Variants in PDE4B observed in about 807,000 individuals in gnomAD.
The protein encoded by PDE4B is 3',5'-cyclic-AMP phosphodiesterase 4B.
In PDE4B, 20 loss-of-function variants were observed where a neutral mutation model predicts 82.2. The ratio of observed to expected loss-of-function variants is 0.24; its 90% CI spans 0.17 to 0.35. The LOEUF (loss-of-function observed/expected upper bound fraction) is 0.35, where lower values mean the gene tolerates loss of function less well. Among genes scored for constraint, PDE4B ranks in the 10% least tolerant of loss-of-function variants. The pLI, the probability that PDE4B is intolerant of heterozygous loss-of-function variation, is 1.00. For synonymous variants in PDE4B, 320 were observed against 318.9 expected (o/e 1.00, Z -0.04); for missense variants, 655 against 907.2 (o/e 0.72, Z 3.57).
intron 3 of PDE4B, among the ~76,000 whole-genome samples, chr1:66,141,206 A>C (rs566123272): frequency 6.6e-6 from 1 of 151,604 alleles, no homozygotes; most frequent in Non-Finnish European, 1.5e-5. Context: ...CACTGAGAAT[A>C]CTAAGGTTAC....
At chr1:66,256,329 C>T (rs1654223788) in intron 4 of PDE4B, among the ~76,000 whole-genome samples, 1 of 152,148 alleles carries the variant, frequency 6.6e-6, no homozygotes, top group African/African-American at 2.4e-5. Context: ...CTCTGTGGAT[C>T]GATGTCATTT....
At chr1:66,146,373 T>C (rs1035885335) in intron 3 of PDE4B, among the ~76,000 whole-genome samples, 3 of 151,784 alleles carry the variant, frequency 2.0e-5, no homozygotes, top group Non-Finnish European at 4.4e-5. Flanking sequence ...TTAGTGGAGA[T>C]GGGGTTTCAC....
At chr1:66,224,042 C>T (rs189437039) in intron 3 of PDE4B, among the ~76,000 whole-genome samples, 7 of 152,284 alleles carry the variant, frequency 4.6e-5, no homozygotes, top group African/African-American at 1.4e-4. Context: ...ATCTCCTCTC[C>T]CATGTTTACC....
At chr1:66,230,890 A>C (rs1236872413) in intron 3 of PDE4B, among the ~76,000 whole-genome samples, 1 of 152,122 alleles carries the variant, frequency 6.6e-6, no homozygotes, top group African/African-American at 2.4e-5. Context: ...CACTCAAAAT[A>C]CAAAAATTAG....
At chr1:66,153,544 G>T (rs968331137) in intron 3 of PDE4B, among the ~76,000 whole-genome samples, 2 of 152,070 alleles carry the variant, frequency 1.3e-5, no homozygotes, top group African/African-American at 4.8e-5. Flanking sequence ...AGGGTATAGA[G>T]CTTCCATTCA....
chr1:66,323,408 G>C (rs1659543238), intron 7 of PDE4B, among the ~76,000 whole-genome samples: 1 of 152,048 alleles, frequency 6.6e-6, no homozygotes, highest in Non-Finnish European at 1.5e-5. Flanking sequence ...ACACTTCTTA[G>C]TATCTCTGTT....
intron 3 of PDE4B, among the ~76,000 whole-genome samples, chr1:66,017,977 C>G (rs547530068): frequency 7.8e-4 from 118 of 152,208 alleles, no homozygotes; most frequent in Admixed American, 7.7e-3. Flanking sequence ...AGATTGACAC[C>G]TGGGTAACTG....
intron 3 of PDE4B, among the ~76,000 whole-genome samples, chr1:66,216,606 C>A (rs1480503734): frequency 1.3e-5 from 2 of 152,100 alleles, no homozygotes; most frequent in African/African-American, 2.4e-5. Context: ...TATTATTAGA[C>A]AAAGCAATGC....
At chr1:66,371,015 T>A (rs1433088049) in intron 16 of PDE4B, among the ~76,000 whole-genome samples, 1 of 134,498 alleles carries the variant, frequency 7.4e-6, no homozygotes, top group African/African-American at 2.7e-5. Context: ...AGAAGAAGAA[T>A]AAGAAAATAT....
At chr1:65,966,219 T>C (rs1649821385) in intron 3 of PDE4B, among the ~76,000 whole-genome samples, 1 of 152,282 alleles carries the variant, frequency 6.6e-6, no homozygotes, top group Admixed American at 6.5e-5. Flanking sequence ...ATAAAATCAA[T>C]GTGCAAAAAT....
chr1:65,853,290 C>T (rs975034752), intron 1 of PDE4B, among the ~76,000 whole-genome samples: 1 of 152,074 alleles, frequency 6.6e-6, no homozygotes, highest in African/African-American at 2.4e-5. Context: ...TTCTTGTAGA[C>T]AGCATAAAGT....
intron 3 of PDE4B, among the ~76,000 whole-genome samples, chr1:66,088,141 T>A (rs1348031606): frequency 1.3e-5 from 2 of 151,946 alleles, no homozygotes; most frequent in African/African-American, 4.8e-5. Context: ...TTAAATGAAC[T>A]TGGTGATTGC....
At chr1:66,245,727 G>T (rs1247647892) in intron 3 of PDE4B, among the ~76,000 whole-genome samples, 4 of 152,160 alleles carry the variant, frequency 2.6e-5, no homozygotes, top group Non-Finnish European at 4.4e-5. Flanking sequence ...ACAGTACCTT[G>T]AAAGACCAAA....
intron 3 of PDE4B, among the ~76,000 whole-genome samples, chr1:66,210,847 C>A (rs1649990658): frequency 6.6e-6 from 1 of 152,142 alleles, no homozygotes; most frequent in Non-Finnish European, 1.5e-5. Flanking sequence ...GTTTCTGCTC[C>A]TGATCATAAG....
intron 3 of PDE4B, among the ~76,000 whole-genome samples, chr1:66,143,645 A>G (rs1646216299): frequency 6.6e-6 from 1 of 152,200 alleles, no homozygotes; most frequent in Non-Finnish European, 1.5e-5. Flanking sequence ...CTTAACATAA[A>G]ATCACCATTT....
At chr1:65,914,710 G>A (rs1021314559) in intron 2 of PDE4B, among the ~76,000 whole-genome samples, 1 of 151,220 alleles carries the variant, frequency 6.6e-6, no homozygotes, top group Non-Finnish European at 1.5e-5. Flanking sequence ...CCTTCCATAC[G>A]GACAAACCAT....
intron 3 of PDE4B, among the ~76,000 whole-genome samples, chr1:66,077,299 T>C (rs1436218083): frequency 6.6e-6 from 1 of 152,204 alleles, no homozygotes; most frequent in African/African-American, 2.4e-5. Flanking sequence ...TAATAGCTAA[T>C]GCATTTATGC....
chr1:66,147,703 G>A (rs529612691), intron 3 of PDE4B, among the ~76,000 whole-genome samples: 13 of 152,270 alleles, frequency 8.5e-5, no homozygotes, highest in South Asian at 6.2e-4. Context: ...CCAGTGGGGC[G>A]TTTCTTAGCC....
At chr1:66,216,941 G>A (rs1650508674) in intron 3 of PDE4B, among the ~76,000 whole-genome samples, 1 of 152,152 alleles carries the variant, frequency 6.6e-6, no homozygotes, top group Non-Finnish European at 1.5e-5. Context: ...GACAAATCAT[G>A]TCCCTAGACT....
Sources: allele counts gnomAD v4.1 joint callset (sites outside exome capture counted in the v4.1 genomes callset), GRCh38; gene constraint gnomAD v4.1.1; transcripts MANE v1.5; gene names NCBI Gene and HGNC (gene_info 2026-07-23, HGNC 2026-07-21).